SLC44A5: variants seen among roughly 807,000 people sequenced by gnomAD.
SLC44A5 encodes solute carrier family 44 member 5, also known as choline transporter-like protein 5.
A neutral mutation model predicts 101.8 loss-of-function variants in SLC44A5; 57 were observed. That is an observed-to-expected ratio of 0.56 (90% confidence interval 0.45 to 0.70). The LOEUF (loss-of-function observed/expected upper bound fraction) is 0.70. Ranked by LOEUF, SLC44A5 falls within the 30% of genes least tolerant of loss-of-function variation. The probability of loss-of-function intolerance (pLI) is 0.00; values close to 1 mark genes in which losing one functional copy is unlikely to be tolerated. For synonymous variants in SLC44A5, 281 were observed against 290.9 expected, an observed-to-expected ratio of 0.97 and a Z score of 0.35; for missense variants, 737 against 853.1, an observed-to-expected ratio of 0.86 and a Z score of 1.70.
intron 4 of SLC44A5, among the ~76,000 whole-genome samples, chr1:75,333,533 T>C (rs1436563418): frequency 6.6e-6 from 1 of 151,412 alleles, no homozygotes; most frequent in African/African-American, 2.4e-5. Flanking sequence ...ACCTAAAAAC[T>C]CTGTAGGCAC....
chr1:75,309,836 A>G (rs1450184548), intron 4 of SLC44A5, among the ~76,000 whole-genome samples: 2 of 152,182 alleles, frequency 1.3e-5, no homozygotes, highest in Non-Finnish European at 2.9e-5. Flanking sequence ...TCCTGTTCTC[A>G]AAGTGTTCAG....
the SLC44A5 span, among the ~76,000 whole-genome samples, chr1:75,714,763 A>C: frequency 6.8e-6 from 1 of 147,298 alleles, no homozygotes; most frequent in Non-Finnish European, 1.5e-5. Flanking sequence ...TGCAACCTCC[A>C]CCTCCTGGGT....
the SLC44A5 span, among the ~76,000 whole-genome samples, chr1:75,638,316 T>G: frequency 1.3e-5 from 2 of 152,082 alleles, no homozygotes; most frequent in Non-Finnish European, 2.9e-5. Context: ...TGATTTAACA[T>G]AGTAAGTAGA....
chr1:75,420,471 A>G (rs1242529277), intron 2 of SLC44A5, among the ~76,000 whole-genome samples: 2 of 152,178 alleles, frequency 1.3e-5, no homozygotes, highest in East Asian at 3.9e-4. Flanking sequence ...AACTCCACTG[A>G]TAATTAGATT....
At chr1:75,595,436 A>C (rs552855680) in intron 1 of SLC44A5, among the ~76,000 whole-genome samples, 161 of 129,310 alleles carry the variant, frequency 1.2e-3, no homozygotes, top group Non-Finnish European at 1.8e-3. Flanking sequence ...CATGGAACCA[A>C]CTTTTTCACT....
intron 2 of SLC44A5, among the ~76,000 whole-genome samples, chr1:75,438,006 T>C (rs1664985409): frequency 1.3e-5 from 2 of 152,098 alleles, no homozygotes; most frequent in Non-Finnish European, 2.9e-5. Context: ...TGATTTTGAG[T>C]AGGATTAGCC....
the SLC44A5 span, among the ~76,000 whole-genome samples, chr1:75,673,700 C>T: frequency 6.6e-6 from 1 of 152,222 alleles, no homozygotes; most frequent in South Asian, 2.1e-4. Context: ...CTTCCCCAAG[C>T]TCCTAGGAGC....
intron 7 of SLC44A5, among the ~76,000 whole-genome samples, chr1:75,249,023 G>A (rs1649347908): frequency 6.6e-6 from 1 of 152,214 alleles, no homozygotes; most frequent in East Asian, 1.9e-4. Context: ...GAGTTGCAAT[G>A]TCAGAGGAAT....
chr1:75,562,118 A>C (rs1672551472), intron 1 of SLC44A5, among the ~76,000 whole-genome samples: 1 of 152,128 alleles, frequency 6.6e-6, no homozygotes, highest in Non-Finnish European at 1.5e-5. Flanking sequence ...TTAAAAAATA[A>C]ATTTAAAAAA....
At chr1:75,716,476 A>C in the SLC44A5 span, among the ~76,000 whole-genome samples, 1 of 152,044 alleles carries the variant, frequency 6.6e-6, no homozygotes, top group Non-Finnish European at 1.5e-5. Context: ...GTCTCAAAAA[A>C]AGGAAAAACA....
intron 2 of SLC44A5, among the ~76,000 whole-genome samples, chr1:75,426,073 A>G (rs894842130): frequency 2.0e-5 from 3 of 152,220 alleles, no homozygotes; most frequent in Non-Finnish European, 1.5e-5. Context: ...AGGATGTCCA[A>G]TACACTAAAA....
intron 1 of SLC44A5, among the ~76,000 whole-genome samples, chr1:75,548,528 C>T (rs528900056): frequency 1.3e-5 from 2 of 152,072 alleles, no homozygotes; most frequent in African/African-American, 4.8e-5. Flanking sequence ...AGCTATTGGT[C>T]CCAAATATGC....
Position 75,498,633 on chromosome 1 carries a change from GTCTT to G in SLC44A5, c.13+42798_13+42801del, listed in dbSNP as rs1286978708. 6.6e-5 allele frequency among the ~76,000 whole-genome samples: 10 copies of G among 152,076 alleles called. No individual in the cohort carries two copies. In the East Asian group the frequency reaches 1.9e-3, roughly 29 times the overall value. On this transcript the variant is annotated intron_variant, in intron 2 of 23. Coordinates refer to ENST00000370859, the MANE Select transcript of SLC44A5 (RefSeq NM_001130058.2). ...TTAATAATACAATGAAAGCTATGCA[GTCTT>G]TCTCTTTCTCACTAAAGTCAGACAT...
chr1:75,284,538 G>C (rs941698142), intron 5 of SLC44A5, among the ~76,000 whole-genome samples: 32 of 151,962 alleles, frequency 2.1e-4, no homozygotes, highest in African/African-American at 7.0e-4. Flanking sequence ...AGGACTTCTA[G>C]TACTACATTG....
chr1:75,714,699 C>T, the SLC44A5 span, among the ~76,000 whole-genome samples: 6 of 151,438 alleles, frequency 4.0e-5, no homozygotes, highest in Non-Finnish European at 5.9e-5. Flanking sequence ...TTTTTTGAGA[C>T]GGAGTCTCAC....
At chr1:75,616,486 C>T in the SLC44A5 span, among the ~76,000 whole-genome samples, 4 of 152,340 alleles carry the variant, frequency 2.6e-5, no homozygotes, top group Middle Eastern at 3.4e-3. Flanking sequence ...AAGGCCAGGA[C>T]GCGCTGGGCC....
chr1:75,365,832 G>T (rs1012719822), intron 3 of SLC44A5, among the ~76,000 whole-genome samples: 1 of 151,910 alleles, frequency 6.6e-6, no homozygotes, highest in African/African-American at 2.4e-5. Flanking sequence ...GTTACCAGGG[G>T]GGTTAAATGT....
chr1:75,633,210 T>C, the SLC44A5 span, among the ~76,000 whole-genome samples: 1 of 152,216 alleles, frequency 6.6e-6, no homozygotes, highest in Non-Finnish European at 1.5e-5. Context: ...CGGGCTCTTT[T>C]TTGGTTCCAT....
In SLC44A5 at chr1:75,471,410, T is replaced by TACAC. The variant is rs369567112; in HGVS notation, c.13+70021_13+70024dup. Among the ~76,000 whole-genome samples, 6 of 142,626 alleles carry TACAC rather than the reference T, an allele frequency of 4.2e-5. No individual in the cohort carries two copies. In the East Asian group the frequency reaches 1.0e-3, roughly 25 times the overall value. The allele number at this position is 142,626 out of a possible 152,430, so 93.6% of individuals were successfully genotyped here. ...ACACACACACACACACACACACACG[T>TACAC]ACACACACACACACCCATGAATTAA... On this transcript the variant is annotated intron_variant, in intron 2 of 23. Coordinates refer to ENST00000370859, the MANE Select transcript of SLC44A5 (RefSeq NM_001130058.2).
Sources: allele counts gnomAD v4.1 joint callset (sites outside exome capture counted in the v4.1 genomes callset), GRCh38; gene constraint gnomAD v4.1.1; transcripts MANE v1.5; gene names NCBI Gene and HGNC (gene_info 2026-07-23, HGNC 2026-07-21).